Variants in DEUP1 observed in about 807,000 individuals in gnomAD.
The protein encoded by DEUP1 is coiled-coil domain containing 67.
Under a neutral mutation model 87.4 loss-of-function variants are expected in DEUP1, and 82 were observed. That is an observed-to-expected ratio of 0.94 (90% CI 0.78 to 1.13). The LOEUF (loss-of-function observed/expected upper bound fraction) is 1.13. DEUP1 is among the 50% of genes most tolerant of loss of function. The pLI is 0.00. For missense variants in DEUP1, 663 were observed against 681.5 expected, an observed-to-expected ratio of 0.97 and a Z score of 0.30; for synonymous variants, 214 against 222.7, an observed-to-expected ratio of 0.96 and a Z score of 0.35.
chr11:93,339,932 C>G (rs1943975206), intron 2 of DEUP1, among the ~76,000 whole-genome samples: 1 of 152,124 alleles, frequency 6.6e-6, no homozygotes, highest in African/African-American at 2.4e-5. Flanking sequence ...GCATTCTATT[C>G]CCCTGCTGGA....
chr11:93,367,592 A>G (rs1002846734), intron 5 of DEUP1, among the ~76,000 whole-genome samples: 3 of 152,142 alleles, frequency 2.0e-5, no homozygotes, highest in Admixed American at 1.3e-4. Context: ...TCCCTACTTT[A>G]TTATATATTC....
intron 5 of DEUP1, 96 bp downstream of exon 5, chr11:93,364,390 T>C: frequency 9.0e-7 from 1 of 1,108,368 alleles, no homozygotes. Flanking sequence ...GTGTCTTCAG[T>C]TGTGGTAATA....
intron 13 of DEUP1, among the ~76,000 whole-genome samples, chr11:93,432,773 T>A (rs77938571): frequency 6.6e-6 from 1 of 151,550 alleles, no homozygotes; most frequent in Non-Finnish European, 1.5e-5. Flanking sequence ...AAGTAAAGAG[T>A]CTAAATGAGG....
At chr11:93,419,293 G>A (rs541122608) in intron 13 of DEUP1, among the ~76,000 whole-genome samples, 149 of 152,160 alleles carry the variant, frequency 9.8e-4, no homozygotes, top group South Asian at 4.8e-3. Context: ...AAGCAGATGC[G>A]CTCTTCAGCA....
intron 2 of DEUP1, among the ~76,000 whole-genome samples, chr11:93,344,190 T>C (rs1300629997): frequency 1.3e-5 from 2 of 152,180 alleles, no homozygotes; most frequent in Non-Finnish European, 2.9e-5. Flanking sequence ...GACGTATCTA[T>C]GAAAGTGGGC....
rs1591288401 is a variant in DEUP1, at chr11:93,438,272, C to G, written c.*553C>G. 6.6e-6 allele frequency: 1 copy of G among 152,076 alleles called. No homozygotes were observed. The highest frequency in any genetic ancestry group is 6.6e-5 in the Admixed American group (1 of 15,254). The allele number at this position is 152,076 out of a possible 1,614,324, so 9.4% of individuals were successfully genotyped here. A position where few individuals can be genotyped will look rare whatever the true frequency, so the allele number is the denominator to read the frequency against. ...TTACATTCACCTTTATAATGTCTGT[C>G]TGTTTCAACACAATGAAGGTATATG... On this transcript the variant is annotated 3_prime_UTR_variant, in exon 14 of 14. Coordinates refer to ENST00000298050, the MANE Select transcript of DEUP1 (RefSeq NM_181645.4).
At chr11:93,412,893 T>A (rs1031638036) in intron 12 of DEUP1, among the ~76,000 whole-genome samples, 1 of 152,102 alleles carries the variant, frequency 6.6e-6, no homozygotes, top group East Asian at 1.9e-4. Context: ...ATGGTAATTA[T>A]AGTTTGGGAG....
At chr11:93,427,157 A>T (rs546529086) in intron 13 of DEUP1, among the ~76,000 whole-genome samples, 2 of 150,654 alleles carry the variant, frequency 1.3e-5, no homozygotes, top group African/African-American at 2.4e-5. Flanking sequence ...AAAAGAGCCC[A>T]CATCGCCAAG....
At chr11:93,377,246 A>G in intron 7 of DEUP1, among the ~76,000 whole-genome samples, 1 of 149,738 alleles carries the variant, frequency 6.7e-6, no homozygotes, top group South Asian at 2.1e-4. Context: ...GTTGCTGTCT[A>G]TCTCATTTCT....
chr11:93,356,878 T>C, intron 3 of DEUP1, 70 bp from the exon 4 acceptor site: 1 of 929,176 alleles, frequency 1.1e-6, no homozygotes, highest in Non-Finnish European at 1.7e-6. Flanking sequence ...TGTTCTTCTC[T>C]TTTGCACATT....
intron 13 of DEUP1, among the ~76,000 whole-genome samples, chr11:93,418,008 T>C (rs1163479216): frequency 6.6e-6 from 1 of 151,946 alleles, no homozygotes; most frequent in Admixed American, 6.6e-5. Flanking sequence ...ATCCCTTCCT[T>C]ATACCTTATA....
intron 11 of DEUP1, among the ~76,000 whole-genome samples, chr11:93,402,675 G>GA (rs557767170): frequency 2.0e-5 from 3 of 151,406 alleles, no homozygotes; most frequent in Non-Finnish European, 4.4e-5. Context: ...TATTCAGCCA[G>GA]AAAAAATAAA....
At chr11:93,385,939 T>A (rs1174152378) in intron 8 of DEUP1, among the ~76,000 whole-genome samples, 4 of 151,772 alleles carry the variant, frequency 2.6e-5, no homozygotes, top group African/African-American at 9.7e-5. Context: ...TGTAGTCCCA[T>A]CTACTTGGGA....
Position 93,396,255 on chromosome 11 carries a change from AT to A in DEUP1, c.1257del (p.Tyr419Ter). On this transcript the variant is annotated frameshift_variant, in exon 11 of 14. Coordinates refer to ENST00000298050, the MANE Select transcript of DEUP1 (RefSeq NM_181645.4). LOFTEE classifies it high-confidence loss of function. The part of the protein sequence containing the change: ...LAKQKVSDMK[Y>X]KAVRTENTHL... The stretch of plus-strand genomic sequence containing the variant: ...TAATTTCAGGTCTCAGATATGAAAT[AT>A]AAAGCTGTCAGAACTGAAAACACAC... 6.3e-7 allele frequency: 1 copy of A among 1,576,430 alleles called. No individual in the cohort carries two copies. The highest frequency in any genetic ancestry group is 8.6e-7 in the Non-Finnish European group (1 of 1,160,714).
At chr11:93,354,516 CTG>C (rs891488065) in intron 2 of DEUP1, among the ~76,000 whole-genome samples, 2 of 152,158 alleles carry the variant, frequency 1.3e-5, no homozygotes, top group African/African-American at 4.8e-5. Context: ...CTGTATTAGT[CTG>C]TTTTCACACT....
intron 2 of DEUP1, among the ~76,000 whole-genome samples, chr11:93,348,856 T>A (rs376369652): frequency 2.0e-5 from 3 of 152,202 alleles, no homozygotes; most frequent in Admixed American, 1.3e-4. Context: ...AGTCATATGA[T>A]CATTATAGCA....
chr11:93,408,014 T>C (rs2134416286), intron 11 of DEUP1, among the ~76,000 whole-genome samples: 1 of 152,184 alleles, frequency 6.6e-6, no homozygotes, highest in East Asian at 1.9e-4. Context: ...AATACATACA[T>C]CATTGCAAAT....
At chr11:93,395,500 A>G (rs958110053) in intron 10 of DEUP1, among the ~76,000 whole-genome samples, 3 of 152,198 alleles carry the variant, frequency 2.0e-5, no homozygotes, top group Non-Finnish European at 4.4e-5. Context: ...CAGATGGGAT[A>G]ATCTCTTTGG....
chr11:93,415,263 G>T, intron 13 of DEUP1, 149 bp downstream of exon 13: 1 of 437,976 alleles, frequency 2.3e-6, no homozygotes. Flanking sequence ...CGAGCCATTT[G>T]GCCATACCTA....
Sources: allele counts gnomAD v4.1 joint callset (sites outside exome capture counted in the v4.1 genomes callset), GRCh38; gene constraint gnomAD v4.1.1; transcripts MANE v1.5; gene names NCBI Gene and HGNC (gene_info 2026-07-23, HGNC 2026-07-21).